RAB27A: variants seen among roughly 807,000 people sequenced by gnomAD.
RAB27A encodes RAB27A, member RAS oncogene family.
A neutral mutation model predicts 20.8 loss-of-function variants in RAB27A; 17 were observed. The observed-to-expected ratio is 0.82, with a 90% CI of 0.56 to 1.23. The LOEUF is 1.23. Among genes scored for constraint, RAB27A ranks in the 50% most tolerant of loss-of-function variants. The probability of loss-of-function intolerance (pLI) is 0.00; values close to 1 mark genes in which losing one functional copy is unlikely to be tolerated. For missense variants in RAB27A, 277 were observed against 266.7 expected (o/e 1.04, Z -0.27); for synonymous variants, 85 against 92.8 (o/e 0.92, Z 0.48).
At chr15:55,264,958 T>C (rs568047950) in intron 2 of RAB27A, among the ~76,000 whole-genome samples, 9 of 152,278 alleles carry the variant, frequency 5.9e-5, no homozygotes, top group Admixed American at 2.6e-4. Context: ...ACAAGAACTA[T>C]AGGGCCCGGC....
At chr15:55,211,548 T>G (rs537159070) in intron 6 of RAB27A, among the ~76,000 whole-genome samples, 3 of 152,348 alleles carry the variant, frequency 2.0e-5, no homozygotes, top group African/African-American at 7.2e-5. Flanking sequence ...GATTTCTTTT[T>G]CAGATTGTTC....
chr15:55,239,420 T>C (rs1896392523), intron 2 of RAB27A, among the ~76,000 whole-genome samples: 1 of 152,168 alleles, frequency 6.6e-6, no homozygotes, highest in South Asian at 2.1e-4. Context: ...AAATTTTATT[T>C]TTAAATTACC....
chr15:55,288,592 TAAGG>T (rs976927161), intron 1 of RAB27A, among the ~76,000 whole-genome samples: 5 of 150,214 alleles, frequency 3.3e-5, no homozygotes, highest in East Asian at 2.0e-4. Context: ...TCACAGAAAT[TAAGG>T]AAGGAAGAAA....
intron 2 of RAB27A, among the ~76,000 whole-genome samples, chr15:55,239,334 GAAATGTA>G (rs140770150): frequency 6.6e-6 from 1 of 152,278 alleles, no homozygotes; most frequent in East Asian, 1.9e-4. Context: ...TTCAAAACTA[GAAATGTA>G]AAATGACAAT....
intron 6 of RAB27A, 129 bp from the exon 7 acceptor site, chr15:55,205,834 G>C (rs1359813659): frequency 2.3e-6 from 2 of 862,894 alleles, no homozygotes; most frequent in Middle Eastern, 2.2e-4. Flanking sequence ...TACCACCCCA[G>C]AGTACATTAA....
chr15:55,299,321 C>T lies in RAB27A; in HGVS notation c.-112+14718G>A, dbSNP rs374930876. Among the ~76,000 whole-genome samples, 31 of 152,340 alleles carry T rather than the reference C, an allele frequency of 2.0e-4. 1 individual carries two copies. The highest frequency in any genetic ancestry group is 7.8e-4 in the Admixed American group (12 of 15,302). On this transcript the variant is annotated intron_variant, in intron 2 of 5. Coordinates refer to the RAB27A transcript ENST00000563262. ...TGACTTCCCGCAACAGGGCCGGCCA[C>T]GGTGCCTCATGCCTGTAATCCCAGC... is the stretch of plus-strand genomic sequence containing the variant.
At chr15:55,309,410 T>G (rs1189003560) in intron 2 of RAB27A, among the ~76,000 whole-genome samples, 1 of 152,184 alleles carries the variant, frequency 6.6e-6, no homozygotes, top group Non-Finnish European at 1.5e-5. Flanking sequence ...TAAGAGCGCT[T>G]GGGTGGCTTG....
chr15:55,265,224 A>G (rs1897423823), intron 2 of RAB27A, among the ~76,000 whole-genome samples: 1 of 152,040 alleles, frequency 6.6e-6, no homozygotes, highest in Admixed American at 6.6e-5. Flanking sequence ...CTGGGCGACA[A>G]GAGTAAAACT....
intron 1 of RAB27A, among the ~76,000 whole-genome samples, chr15:55,277,337 T>C (rs1171021757): frequency 6.6e-6 from 1 of 152,124 alleles, no homozygotes; most frequent in East Asian, 1.9e-4. Context: ...TAAAACAACG[T>C]CCACGTATAA....
intron 2 of RAB27A, among the ~76,000 whole-genome samples, chr15:55,266,373 A>G (rs1452609346): frequency 6.6e-6 from 1 of 152,218 alleles, no homozygotes; most frequent in African/African-American, 2.4e-5. Flanking sequence ...GTACTTTGTT[A>G]TAACAGTTTG....
intron 6 of RAB27A, among the ~76,000 whole-genome samples, chr15:55,214,878 G>C (rs778307775): frequency 6.6e-6 from 1 of 152,042 alleles, no homozygotes; most frequent in African/African-American, 2.4e-5. Context: ...TACAAGAATA[G>C]AATTTTAGAA....
intron 6 of RAB27A, among the ~76,000 whole-genome samples, chr15:55,213,107 T>C (rs1566899069): frequency 6.6e-6 from 1 of 152,232 alleles, no homozygotes; most frequent in Non-Finnish European, 1.5e-5. Flanking sequence ...CCACCACTTG[T>C]GAGGAATCTA....
At chr15:55,274,046 A>G (rs1897781786) in intron 1 of RAB27A, among the ~76,000 whole-genome samples, 1 of 152,224 alleles carries the variant, frequency 6.6e-6, no homozygotes, top group Non-Finnish European at 1.5e-5. Context: ...CATATTAATT[A>G]TCTTTTCTGA....
At chr15:55,299,308 A>G (rs1273063792) in intron 2 of RAB27A, among the ~76,000 whole-genome samples, 1 of 152,150 alleles carries the variant, frequency 6.6e-6, no homozygotes, top group Non-Finnish European at 1.5e-5. Flanking sequence ...ACTTCCCGCA[A>G]CAGGGCCGGC....
At chr15:55,306,938 A>G (rs756029991) in intron 2 of RAB27A, among the ~76,000 whole-genome samples, 1 of 152,188 alleles carries the variant, frequency 6.6e-6, no homozygotes, top group Non-Finnish European at 1.5e-5. Context: ...GAGCAGGCAC[A>G]GATCCTCTAG....
Position 55,205,481 on chromosome 15 carries a change from AACT to A in RAB27A, c.*23_*25del. On this transcript the variant is annotated 3_prime_UTR_variant, in exon 7 of 7. Coordinates refer to ENST00000336787, the MANE Select transcript of RAB27A (RefSeq NM_183235.3). ...GAAGATCCCAGGCATGGGCCACCTG[AACT>A]ACTATGTCGCTTACTTGACTTCTCA... is the stretch of plus-strand genomic sequence containing the variant. 1.2e-6 allele frequency: 2 copies of A among 1,605,724 alleles called. No individual in the cohort carries two copies. Among genetic ancestry groups the A allele is most frequent in the Non-Finnish European group, 1.7e-6 (2 of 1,172,404 alleles).
In RAB27A at chr15:55,213,945, T is replaced by C. The variant is rs138059492; in HGVS notation, c.468-8240A>G. Among the ~76,000 whole-genome samples the C allele has an allele frequency of 6.5e-3, 991 of 152,358 alleles. 4 individuals are homozygous for C. The highest frequency in any genetic ancestry group is 8.5e-3 in the Admixed American group (130 of 15,300). ...ACACCTCCACTGGTCCATGGAAAGA[T>C]TGTCTTCCATGAAACCAGTTCCCAG... On this transcript the variant is annotated intron_variant, in intron 6 of 6. Coordinates refer to ENST00000336787, the MANE Select transcript of RAB27A (RefSeq NM_183235.3).
chr15:55,211,624 A>G (rs992727330), intron 6 of RAB27A, among the ~76,000 whole-genome samples: 6 of 152,168 alleles, frequency 3.9e-5, no homozygotes, highest in South Asian at 2.1e-4. Context: ...ACTTTACTGA[A>G]TTCGTTGATC....
At chr15:55,279,120 A>G (rs556316117) in intron 1 of RAB27A, among the ~76,000 whole-genome samples, 1 of 152,170 alleles carries the variant, frequency 6.6e-6, no homozygotes, top group African/African-American at 2.4e-5. Flanking sequence ...TGGCCTAGGA[A>G]CCCTCTAAGA....
Sources: allele counts gnomAD v4.1 joint callset (sites outside exome capture counted in the v4.1 genomes callset), GRCh38; gene constraint gnomAD v4.1.1; transcripts MANE v1.5; gene names NCBI Gene and HGNC (gene_info 2026-07-23, HGNC 2026-07-21).